The following ECT2 variants were observed in gnomAD, a reference collection of about 807,000 sequenced individuals.
ECT2 encodes the protein epithelial cell transforming 2.
Under a neutral mutation model 116.9 loss-of-function variants are expected in ECT2, and 61 were observed. The observed-to-expected ratio is 0.52, with a 90% CI of 0.42 to 0.65. The LOEUF (loss-of-function observed/expected upper bound fraction) is 0.65. ECT2 is among the 30% of genes least tolerant of loss of function. ECT2 has a pLI of 0.00. For synonymous variants in ECT2, 358 were observed against 346.4 expected, an observed-to-expected ratio of 1.03 and a Z score of -0.37; for missense variants, 937 against 1,078.7, an observed-to-expected ratio of 0.87 and a Z score of 1.84.
In ECT2 at chr3:172,769,163, A is replaced by G. The variant is rs780218202; in HGVS notation, c.1428+20A>G. 6.3e-7 allele frequency: 1 copy of G among 1,586,102 alleles called. No homozygotes were observed. Among genetic ancestry groups the G allele is most frequent in the South Asian group, 1.2e-5 (1 of 86,748 alleles). On this transcript the variant is annotated intron_variant, in intron 13 of 24. Coordinates refer to ENST00000392692, the MANE Select transcript of ECT2 (RefSeq NM_001258315.2). ...ATTCAGGTAAGTATGAGTTTGATTG[A>G]AAAATGATTTCTGTTCCAGTGTTCC...
intron 21 of ECT2, among the ~76,000 whole-genome samples, chr3:172,806,940 G>T (rs550558115): frequency 2.0e-5 from 3 of 152,006 alleles, no homozygotes; most frequent in South Asian, 4.1e-4. Flanking sequence ...ACTGCACCCC[G>T]CCAAGAAATG....
downstream of ECT2, among the ~76,000 whole-genome samples, chr3:172,824,790 T>C (rs1053473659): frequency 9.8e-5 from 15 of 152,360 alleles, no homozygotes; most frequent in Middle Eastern, 3.4e-3. Flanking sequence ...CAATCCCCTA[T>C]TGATGAACAT....
chr3:172,774,911 T>C lies in ECT2; in HGVS notation c.1548+889T>C, dbSNP rs541388070. Among the ~76,000 whole-genome samples the C allele has an allele frequency of 1.6e-4, 24 of 152,360 alleles. No individual in the cohort carries two copies. In the South Asian group the frequency reaches 4.8e-3, roughly 30 times the overall value. On this transcript the variant is annotated intron_variant, in intron 14 of 24. Coordinates refer to ENST00000392692, the MANE Select transcript of ECT2 (RefSeq NM_001258315.2). Reference sequence around the variant, plus strand: ...ACTCCCAGTACTATTTTTCTTATGTTCCTATTGTTTTTGCTCTTGGGGTGT... The same window carrying C: ...ACTCCCAGTACTATTTTTCTTATGTCCCTATTGTTTTTGCTCTTGGGGTGT...
chr3:172,764,530 A>G (rs751350391), intron 12 of ECT2, 30 bp downstream of exon 12: 112 of 1,568,768 alleles, frequency 7.1e-5, no homozygotes, highest in Admixed American at 1.7e-4. Flanking sequence ...ACTTGTCTTT[A>G]AAGTTTAGTG....
chr3:172,804,255 C>G (rs1178896973), intron 20 of ECT2, among the ~76,000 whole-genome samples: 1 of 152,128 alleles, frequency 6.6e-6, no homozygotes, highest in Non-Finnish European at 1.5e-5. Flanking sequence ...AGAACAGTTA[C>G]AGGTATAATA....
intron 22 of ECT2, among the ~76,000 whole-genome samples, chr3:172,813,094 C>T (rs1729063897): frequency 6.6e-6 from 1 of 151,996 alleles, no homozygotes; most frequent in African/African-American, 2.4e-5. Context: ...AGATAGTTCA[C>T]AAGAACCAAC....
At chr3:172,767,623 A>G (rs1225239341) in intron 12 of ECT2, among the ~76,000 whole-genome samples, 2 of 152,190 alleles carry the variant, frequency 1.3e-5, no homozygotes, top group Non-Finnish European at 1.5e-5. Flanking sequence ...GTGCTTCTAT[A>G]TATAATGTTA....
intron 12 of ECT2, among the ~76,000 whole-genome samples, chr3:172,768,357 T>G (rs989543520): frequency 6.6e-6 from 1 of 152,214 alleles, no homozygotes; most frequent in Non-Finnish European, 1.5e-5. Context: ...CATGTTTGCT[T>G]TAGCATTCAT....
intron 11 of ECT2, among the ~76,000 whole-genome samples, chr3:172,763,848 T>C (rs948182811): frequency 2.9e-4 from 44 of 152,194 alleles, no homozygotes; most frequent in African/African-American, 1.0e-3. Flanking sequence ...AAATGTGAAG[T>C]TCTTAAAGTT....
At chr3:172,758,069 A>G (rs1717422350) in intron 5 of ECT2, among the ~76,000 whole-genome samples, 2 of 152,250 alleles carry the variant, frequency 1.3e-5, no homozygotes, top group South Asian at 4.1e-4. Flanking sequence ...CATGTTGGCC[A>G]GGCTGGTCTC....
intron 16 of ECT2, among the ~76,000 whole-genome samples, chr3:172,784,461 A>G (rs1370985880): frequency 6.6e-6 from 1 of 152,144 alleles, no homozygotes; most frequent in Non-Finnish European, 1.5e-5. Context: ...GAAAAATTTA[A>G]GGTGGGATAT....
At chr3:172,774,623 A>G (rs1193746316) in intron 14 of ECT2, among the ~76,000 whole-genome samples, 1 of 151,948 alleles carries the variant, frequency 6.6e-6, no homozygotes, top group Non-Finnish European at 1.5e-5. Flanking sequence ...TCCCGAAGTA[A>G]CTGGGATTAC....
intron 24 of ECT2, among the ~76,000 whole-genome samples, chr3:172,819,566 G>A (rs983249285): frequency 1.3e-5 from 2 of 151,828 alleles, no homozygotes; most frequent in Non-Finnish European, 1.5e-5. Context: ...GTCTGGTCTC[G>A]AACTCTTGGC....
chr3:172,790,501 G>C (rs1724469670), intron 18 of ECT2, among the ~76,000 whole-genome samples: 1 of 152,166 alleles, frequency 6.6e-6, no homozygotes, highest in African/African-American at 2.4e-5. Context: ...ACTGCAGCCT[G>C]GCACTGAAAT....
At chr3:172,800,304 C>T (rs1276522474) in intron 18 of ECT2, among the ~76,000 whole-genome samples, 1 of 152,208 alleles carries the variant, frequency 6.6e-6, no homozygotes, top group Non-Finnish European at 1.5e-5. Flanking sequence ...ACTGGTTTTA[C>T]TTAATAGTTG....
intron 12 of ECT2, 151 bp downstream of exon 12, chr3:172,764,651 A>G (rs1344137856): frequency 9.9e-6 from 7 of 708,714 alleles, no homozygotes; most frequent in South Asian, 1.9e-5. Flanking sequence ...TGAATAGTTA[A>G]GCTTAATAAT....
At chr3:172,814,936 C>G (rs1460214251) in intron 22 of ECT2, among the ~76,000 whole-genome samples, 2 of 152,120 alleles carry the variant, frequency 1.3e-5, no homozygotes, top group African/African-American at 4.8e-5. Flanking sequence ...TGCCTGTTGA[C>G]CAATCTCACT....
At chr3:172,809,046 A>C (rs1438711831) in intron 22 of ECT2, among the ~76,000 whole-genome samples, 2 of 152,122 alleles carry the variant, frequency 1.3e-5, no homozygotes, top group Non-Finnish European at 2.9e-5. Context: ...CTTTTGTTAT[A>C]AATCTTTCAA....
chr3:172,783,229 T>C (rs1723031286), intron 15 of ECT2, among the ~76,000 whole-genome samples: 1 of 152,174 alleles, frequency 6.6e-6, no homozygotes. Flanking sequence ...AGTACTGGCA[T>C]TTATACTTTT....
Sources: gnomAD v4.1 joint callset for allele counts (sites outside exome capture counted in the v4.1 genomes callset) on GRCh38, gnomAD v4.1.1 for gene constraint, MANE v1.5 for transcripts, NCBI Gene and HGNC (gene_info 2026-07-23, HGNC 2026-07-21) for gene names.